DLGAP1: variants seen among roughly 807,000 people sequenced by gnomAD.
DLGAP1 encodes disks large-associated protein 1.
Under a neutral mutation model 90.8 loss-of-function variants are expected in DLGAP1, and 11 were observed. The ratio of observed to expected loss-of-function variants is 0.12; its 90% CI spans 0.08 to 0.20. DLGAP1 has a LOEUF of 0.20. Among genes scored for constraint, DLGAP1 ranks in the 10% least tolerant of loss-of-function variants. DLGAP1 has a pLI of 1.00. For synonymous variants in DLGAP1, 558 were observed against 540.7 expected (o/e 1.03, Z -0.44); for missense variants, 1,050 against 1,333.8 (o/e 0.79, Z 3.31).
rs549730967 is a variant in DLGAP1, at chr18:4,133,153, TC to T, written c.-159+18026del. Among the ~76,000 whole-genome samples, 702 of 152,060 alleles carry T rather than the reference TC, an allele frequency of 4.6e-3. 6 individuals carry two copies. Among genetic ancestry groups the T allele is most frequent in the Middle Eastern group, 0.017 (5 of 294 alleles). The stretch of plus-strand genomic sequence containing the variant: ...ATGAGTGTGGAGGAGAGACTCAGCC[TC>T]CCCCAGGAAGGTGACAATAGAGAAG... On this transcript the variant is annotated intron_variant, in intron 2 of 12. Coordinates refer to ENST00000315677, the MANE Select transcript of DLGAP1 (RefSeq NM_004746.4).
chr18:4,193,407 G>A (rs1826904372), intron 1 of DLGAP1, among the ~76,000 whole-genome samples: 1 of 151,824 alleles, frequency 6.6e-6, no homozygotes, highest in African/African-American at 2.4e-5. Context: ...CAAATAGAAC[G>A]GCCTAGAGAA....
intron 5 of DLGAP1, among the ~76,000 whole-genome samples, chr18:3,777,487 C>A (rs560787593): frequency 6.6e-6 from 1 of 151,986 alleles, no homozygotes; most frequent in Non-Finnish European, 1.5e-5. Context: ...GAGAAGGGAG[C>A]GATGGGTTAT....
intron 2 of DLGAP1, among the ~76,000 whole-genome samples, chr18:4,103,299 T>C (rs1050727477): frequency 6.6e-5 from 10 of 152,340 alleles, no homozygotes; most frequent in African/African-American, 2.4e-4. Flanking sequence ...GAGCTTGGTG[T>C]ATTTTTCTGT....
intron 1 of DLGAP1, among the ~76,000 whole-genome samples, chr18:4,314,047 G>A (rs1325744517): frequency 6.6e-6 from 1 of 152,180 alleles, no homozygotes; most frequent in East Asian, 1.9e-4. Context: ...CACAAGAGTG[G>A]AGAGAGGAGA....
intron 1 of DLGAP1, among the ~76,000 whole-genome samples, chr18:4,209,971 G>T (rs1217845692): frequency 6.6e-6 from 1 of 152,128 alleles, no homozygotes; most frequent in Non-Finnish European, 1.5e-5. Context: ...CTCTTCCTGA[G>T]CCATTATATG....
intron 7 of DLGAP1, among the ~76,000 whole-genome samples, chr18:3,665,945 T>C (rs1172914223): frequency 6.6e-6 from 1 of 152,098 alleles, no homozygotes; most frequent in Non-Finnish European, 1.5e-5. Context: ...CCTTGGAGGT[T>C]AAGGGAGGGC....
rs376657157 is a variant in DLGAP1 at position 3,987,281 on chromosome 18, C to T, written c.-73+17835G>A. The stretch of plus-strand genomic sequence containing the variant: ...ACTTCCTGCAGAGCAGCTCCTCTTC[C>T]AGGCCTACTCACTGAGGTCCCCATT... On this transcript the variant is annotated intron_variant, in intron 3 of 12. Coordinates refer to ENST00000315677, the MANE Select transcript of DLGAP1 (RefSeq NM_004746.4). 6.6e-5 allele frequency among the ~76,000 whole-genome samples: 10 copies of T among 152,268 alleles called. 1 individual carries two copies. The highest frequency in any genetic ancestry group is 6.2e-4 in the South Asian group (3 of 4,822).
intron 1 of DLGAP1, among the ~76,000 whole-genome samples, chr18:4,182,038 C>T (rs1037152810): frequency 3.9e-5 from 6 of 152,102 alleles, no homozygotes; most frequent in Non-Finnish European, 7.4e-5. Context: ...GCTAGGGAGA[C>T]CATACCCATC....
chr18:3,676,394 C>T (rs1157558204), intron 7 of DLGAP1, among the ~76,000 whole-genome samples: 3 of 152,216 alleles, frequency 2.0e-5, no homozygotes, highest in South Asian at 2.1e-4. Flanking sequence ...CCTTCTCTCA[C>T]TAGAGAGAGC....
At chr18:3,942,804 A>G (rs2072795963) in intron 3 of DLGAP1, among the ~76,000 whole-genome samples, 1 of 152,118 alleles carries the variant, frequency 6.6e-6, no homozygotes, top group South Asian at 2.1e-4. Flanking sequence ...TGTTTCCAAA[A>G]ATTATTTGTT....
intron 3 of DLGAP1, among the ~76,000 whole-genome samples, chr18:3,974,884 C>T (rs11874692): frequency 0.011 from 1,579 of 147,030 alleles, 26 homozygotes; most frequent in African/African-American, 0.036. Flanking sequence ...ATGGATAAAC[C>T]TTGAGGACAT....
chr18:4,093,445 C>T (rs1216678108), intron 2 of DLGAP1, among the ~76,000 whole-genome samples: 6 of 152,164 alleles, frequency 3.9e-5, no homozygotes, highest in Non-Finnish European at 8.8e-5. Flanking sequence ...GGGAAGCCTA[C>T]TAGTCTCTTA....
chr18:3,868,500 G>A (rs973513038), intron 4 of DLGAP1, among the ~76,000 whole-genome samples: 10 of 152,196 alleles, frequency 6.6e-5, no homozygotes, highest in Admixed American at 6.5e-4. Context: ...GGCATTCAGA[G>A]TGTAAACTGC....
At chr18:3,621,703 G>C (rs1381018491) in intron 7 of DLGAP1, among the ~76,000 whole-genome samples, 1 of 152,192 alleles carries the variant, frequency 6.6e-6, no homozygotes, top group Non-Finnish European at 1.5e-5. Context: ...AGCTACCCTG[G>C]CTTGGGAGGC....
At position 4,149,829 on chromosome 18, in the gene DLGAP1, C is replaced by A. The variant is rs547783879; in HGVS notation, c.-159+1351G>T. On this transcript the variant is annotated intron_variant, in intron 2 of 12. Transcript: ENST00000315677. ...CCCTGTCCGTGGAAAAATTGTCTTC[C>A]ACGAAACCGGTCCCTGGACCACTGC... Among the ~76,000 whole-genome samples, 5 of 152,290 alleles carry A rather than the reference C, an allele frequency of 3.3e-5. No individual in the cohort carries two copies. In the South Asian group the frequency reaches 1.0e-3, roughly 32 times the overall value.
rs551164051 is a variant in DLGAP1, at chr18:4,265,663, CCCTTCCTTCCTT to C, written c.-266-114388_-266-114377del. ...CCCTTCCCTCCCTCCCTCCCTCCCT[CCCTTCCTTCCTT>C]CCTTCCTTCCTTCCTTCCTTCCTTC... On this transcript the variant is annotated intron_variant, in intron 1 of 12. Coordinates refer to ENST00000315677, the MANE Select transcript of DLGAP1 (RefSeq NM_004746.4). Among the ~76,000 whole-genome samples, 64 of 54,278 alleles carry C rather than the reference CCCTTCCTTCCTT, an allele frequency of 1.2e-3. 1 individual carries two copies. Among genetic ancestry groups the C allele is most frequent in the African/African-American group, 9.3e-3 (53 of 5,706 alleles). 35.6% of individuals were successfully genotyped at this position (54,278 alleles called of 152,430 possible). A position where few individuals can be genotyped will look rare whatever the true frequency, so the allele number is the denominator to read the frequency against.
intron 7 of DLGAP1, among the ~76,000 whole-genome samples, chr18:3,613,105 TGGGATTACAGGCATGAG>T (rs2057708416): frequency 1.3e-5 from 2 of 152,196 alleles, no homozygotes; most frequent in South Asian, 4.1e-4. Flanking sequence ...CCCAAAGTGC[TGGGATTACAGGCATGAG>T]CCACCACGCC....
chr18:4,111,047 G>GT (rs1035745575), intron 2 of DLGAP1, among the ~76,000 whole-genome samples: 1 of 152,046 alleles, frequency 6.6e-6, no homozygotes, highest in Non-Finnish European at 1.5e-5. Context: ...ATTAGCCGTG[G>GT]TTTTTTTCTA....
intron 2 of DLGAP1, among the ~76,000 whole-genome samples, chr18:4,065,615 G>T (rs1162447920): frequency 3.3e-5 from 5 of 152,030 alleles, no homozygotes; most frequent in Admixed American, 3.3e-4. Context: ...AGCTAACTAG[G>T]GAGGTGAAAG....
Sources: allele counts gnomAD v4.1 joint callset (sites outside exome capture counted in the v4.1 genomes callset), GRCh38; gene constraint gnomAD v4.1.1; transcripts MANE v1.5; gene names NCBI Gene and HGNC (gene_info 2026-07-23, HGNC 2026-07-21).